Variants in HYOU1 observed in about 807,000 individuals in gnomAD.
HYOU1 encodes hypoxia up-regulated 1, also known as hypoxia up-regulated protein 1.
In HYOU1, 40 loss-of-function variants were observed where a neutral mutation model predicts 120.5. That is an observed-to-expected ratio of 0.33 (90% CI 0.26 to 0.43). The LOEUF is 0.43. Among genes scored for constraint, HYOU1 ranks in the 20% least tolerant of loss-of-function variants. The pLI, the probability that HYOU1 is intolerant of heterozygous loss-of-function variation, is 1.00. For synonymous variants in HYOU1, 501 were observed against 479.4 expected (o/e 1.05, Z -0.59); for missense variants, 1,085 against 1,278.3 (o/e 0.85, Z 2.31).
At chr11:119,049,976 G>C (rs1944326455) in intron 14 of HYOU1, 139 bp from the exon 15 acceptor site, 1 of 770,824 alleles carries the variant, frequency 1.3e-6, no homozygotes. Flanking sequence ...CTAAGGACTT[G>C]GAGGTGGCTG....
intron 22 of HYOU1, 81 bp from the exon 23 acceptor site, chr11:119,046,883 A>G: frequency 6.5e-7 from 1 of 1,527,336 alleles, no homozygotes; most frequent in African/African-American, 1.4e-5. Flanking sequence ...CACACCCCCA[A>G]CCAGCCTCTT....
intron 8 of HYOU1, 104 bp downstream of exon 8, chr11:119,054,017 A>G: frequency 2.9e-6 from 2 of 690,432 alleles, no homozygotes; most frequent in South Asian, 3.6e-5. Flanking sequence ...TCAGGAGACC[A>G]TTCCTGCAGC....
chr11:119,054,826 A>T (rs1245910636), intron 6 of HYOU1, 151 bp from the exon 7 acceptor site: 3 of 1,068,250 alleles, frequency 2.8e-6, no homozygotes, highest in African/African-American at 1.6e-5. Flanking sequence ...CCCGGCCTCT[A>T]CCCACTAGAT....
Position 119,051,470 on chromosome 11 carries a change from G to A in HYOU1, c.1494C>T (p.Gly498=), listed in dbSNP as rs2133585191. 13 of 1,614,080 alleles carry A rather than the reference G, an allele frequency of 8.1e-6. No individual in the cohort carries two copies. The Middle Eastern group carries it at 1.3e-3, about 164-fold the overall frequency. ...SHDFNFHINY[G]DLGFLGPEDL... is the part of the protein sequence containing the mutation. ...CTTCAGGCCCCAGGAAGCCCAGGTC[G>A]CCGTAGTTGATGTGGAAGTTGAAAT... is the stretch of plus-strand genomic sequence containing the variant. Residue 498 remains glycine, a synonymous_variant, in exon 13 of 26, where the codon GGC becomes GGT. Transcript: ENST00000617285. The surrounding 1 kb of genome is among the most constrained non-coding windows in gnomAD (Gnocchi z 4.2).
In HYOU1 at chr11:119,049,172, T is replaced by G; in HGVS notation, c.1838A>C (p.Lys613Thr). The change falls in exon 17 of 26, where the codon AAG (lysine) becomes ACG (threonine). Residue 613 changes from lysine to threonine, a missense_variant. Lys to Thr is a moderately conservative substitution (Grantham distance 78, BLOSUM62 -1). This residue lies in a region of HYOU1 where 516 missense variants were observed against 517.1 expected (regional missense o/e 1.00). Transcript: ENST00000617285. ...CTCCACCTGCTCCCCAGGCTCGTCC[T>G]TGCTCCCCTCTGCAGGGCTCTCCTC... The part of the protein sequence containing the change: ...EEEESPAEGS[K>T]DEPGEQVELK... 1 of 1,609,476 alleles carries G rather than the reference T, an allele frequency of 6.2e-7. No homozygotes were observed. Among genetic ancestry groups the G allele is most frequent in the East Asian group, 2.2e-5 (1 of 44,866 alleles).
In HYOU1 at chr11:119,052,581, G is replaced by T; in HGVS notation, c.987+56C>A. ...ACGAGCAGCCCAGTTCAGTGGCAGG[G>T]TCCCCCACCCTCTACGTGGGACAAA... On this transcript the variant is annotated intron_variant, in intron 9 of 25. Coordinates refer to ENST00000617285, the MANE Select transcript of HYOU1 (RefSeq NM_006389.5). The surrounding 1 kb of genome is among the most constrained non-coding windows in gnomAD (Gnocchi z 5.0). 1 of 1,575,050 alleles carries T rather than the reference G, an allele frequency of 6.3e-7. No individual in the cohort carries two copies.
Position 119,046,638 on chromosome 11 carries a change from G to T in HYOU1, c.2760C>A (p.Asp920Glu). ...GTGGCTCTGCCCGGGTCCCATTCTT[G>T]TCCTTAGGCCGGGGCCGGGGCTTGG... ...KFTKPRPRPK[D>E]KNGTRAEPPL... Residue 920 changes from aspartate to glutamate, a missense_variant, in exon 23 of 26, where the codon GAC becomes GAA. Physicochemically the swap from Asp to Glu is conservative, Grantham distance 45. Around this residue, in one of 4 missense-constraint regions of HYOU1, gnomAD observed 516 missense variants for 517.1 expected, o/e 1.00. Coordinates refer to ENST00000617285, the MANE Select transcript of HYOU1 (RefSeq NM_006389.5). The T allele has an allele frequency of 6.2e-7, 1 of 1,614,200 alleles. No individual in the cohort carries two copies. The highest frequency in any genetic ancestry group is 8.5e-7 in the Non-Finnish European group (1 of 1,180,034).
chr11:119,052,428 A>G lies in HYOU1; in HGVS notation c.989T>C (p.Ile330Thr). 1 of 1,614,162 alleles carries G rather than the reference A, an allele frequency of 6.2e-7. No homozygotes were observed. The highest frequency in any genetic ancestry group is 8.5e-7 in the Non-Finnish European group (1 of 1,180,036). ...GTCCACATCATCCATCAGGCCTTCAATCTGGGAGAGGATGGGGACTGTCAG... is the reference window on the plus strand; with the variant it reads ...GTCCACATCATCCATCAGGCCTTCAGTCTGGGAGAGGATGGGGACTGTCAG... ...LSANADHMAQ[I>T]EGLMDDVDFK... Residue 330 changes from isoleucine to threonine, a missense_variant and splice_region_variant, in exon 10 of 26, where the codon ATT becomes ACT. Physicochemically the swap from Ile to Thr is moderately conservative, Grantham distance 89 (BLOSUM62 -1). Transcript: ENST00000617285. The surrounding 1 kb of genome is among the most constrained non-coding windows in gnomAD (Gnocchi z 5.0).
At chr11:119,056,275 T>C (rs1479921299) in intron 1 of HYOU1, 108 bp from the exon 2 acceptor site, 1 of 806,686 alleles carries the variant, frequency 1.2e-6, no homozygotes, top group African/African-American at 1.7e-5. Context: ...TACTTCATTC[T>C]TACCCAGGGC....
chr11:119,055,321 C>A lies in HYOU1; in HGVS notation c.283G>T (p.Ala95Ser), dbSNP rs1424659501. Residue 95 changes from alanine to serine, a missense_variant, in exon 5 of 26, where the codon GCT becomes TCT. Physicochemically the swap from Ala to Ser is moderately conservative, Grantham distance 99. Coordinates refer to ENST00000617285, the MANE Select transcript of HYOU1 (RefSeq NM_006389.5). This position sits in a 1 kb window ranked among gnomAD's most constrained non-coding sequence, Gnocchi z 4.0. ...AASMAIKNPK[A>S]TLRYFQHLLG... Reference sequence around the variant, plus strand: ...AGGTGCTGGAAGTAACGTAGCGTAGCCTTTGGATTCTTAATCGCCTGAGGG... The same window carrying A: ...AGGTGCTGGAAGTAACGTAGCGTAGACTTTGGATTCTTAATCGCCTGAGGG... 6.2e-7 allele frequency: 1 copy of A among 1,613,462 alleles called. No individual in the cohort carries two copies. The highest frequency in any genetic ancestry group is 1.7e-5 in the Admixed American group (1 of 59,958).
rs2133556059 is a variant in HYOU1 at position 119,047,304 on chromosome 11, CCTT to C, written c.2595+427_2595+429del. 593 of 208,758 alleles carry C rather than the reference CCTT, an allele frequency of 2.8e-3. 7 individuals carry two copies. The highest frequency in any genetic ancestry group is 0.013 in the African/African-American group (551 of 42,530). The allele number at this position is 208,758 out of a possible 1,614,324, so 12.9% of individuals were successfully genotyped here. ...CCTGGTGATTCGCCCACCTCAGCCT[CCTT>C]AAGTGCTGGGATTACAGGCGTGAGC... On this transcript the variant is annotated intron_variant, in intron 22 of 25. Transcript: ENST00000617285.
chr11:119,051,557 G>A lies in HYOU1; in HGVS notation c.1407C>T (p.Leu469=). The change falls in exon 13 of 26, where the codon CTC becomes CTT. Residue 469 remains leucine (L), a synonymous_variant. Coordinates refer to ENST00000617285, the MANE Select transcript of HYOU1 (RefSeq NM_006389.5). This position sits in a 1 kb window ranked among gnomAD's most constrained non-coding sequence, Gnocchi z 4.2. ...IHSLKHNKRV[L]FSRMGPYPQR... ...GAGGGTAGGGCCCCATCCGAGAGAAGAGTACCCGTTTATTGTGCTTCAGGC... is the reference window on the plus strand; with the variant it reads ...GAGGGTAGGGCCCCATCCGAGAGAAAAGTACCCGTTTATTGTGCTTCAGGC... The A allele has an allele frequency of 6.2e-7, 1 of 1,614,080 alleles. No individual in the cohort carries two copies. Among genetic ancestry groups the A allele is most frequent in the Non-Finnish European group, 8.5e-7 (1 of 1,180,016 alleles).
Position 119,051,052 on chromosome 11 carries a change from C to A in HYOU1, c.1648G>T (p.Val550Leu). 6.2e-7 allele frequency: 1 copy of A among 1,614,216 alleles called. No individual in the cohort carries two copies. Among genetic ancestry groups the A allele is most frequent in the Non-Finnish European group, 8.5e-7 (1 of 1,180,038 alleles). ...KAHFNLDESG[V>L]LSLDRVESVF... ...GCTCTCACCCTGTCTAGACTGAGCA[C>A]GCCACTCTCATCCAGGTTGAAGTGA... The change falls in exon 14 of 26, where the codon GTG becomes TTG. Residue 550 changes from valine to leucine, a missense_variant. This residue lies in a region of HYOU1 where 515 missense variants were observed against 677.8 expected (regional missense o/e 0.76). Transcript: ENST00000617285. The surrounding 1 kb of genome is among the most constrained non-coding windows in gnomAD (Gnocchi z 4.2).
chr11:119,051,796 C>G lies in HYOU1; in HGVS notation c.1338+23G>C. On this transcript the variant is annotated intron_variant, in intron 12 of 25. Transcript: ENST00000617285. This position sits in a 1 kb window ranked among gnomAD's most constrained non-coding sequence, Gnocchi z 4.2. ...TGGGAGAGGTAAAGGGAGCTTGTCA[C>G]CTGCTCAGTCAGGCTCACTCACCAG... 6.2e-7 allele frequency: 1 copy of G among 1,613,506 alleles called. No homozygotes were observed.
intron 6 of HYOU1, 120 bp from the exon 7 acceptor site, chr11:119,054,795 T>G: frequency 8.7e-7 from 1 of 1,152,244 alleles, no homozygotes; most frequent in Non-Finnish European, 1.2e-6. Context: ...TCCTGTGCAC[T>G]GTAGGATGTT....
intron 14 of HYOU1, among the ~76,000 whole-genome samples, chr11:119,050,531 C>CA (rs1565713115): frequency 6.6e-6 from 1 of 150,762 alleles, no homozygotes; most frequent in African/African-American, 2.4e-5. Context: ...AGTCTGGCAA[C>CA]ATAGTGAGAC....
chr11:119,046,695 C>G lies in HYOU1; in HGVS notation c.2703G>C (p.Glu901Asp). 1 of 1,613,790 alleles carries G rather than the reference C, an allele frequency of 6.2e-7. No individual in the cohort carries two copies. The highest frequency in any genetic ancestry group is 8.5e-7 in the Non-Finnish European group (1 of 1,180,044). Residue 901 changes from glutamate to aspartate, a missense_variant, in exon 23 of 26, where the codon GAG (glutamate) becomes GAC (aspartate). Physicochemically the swap from Glu to Asp is conservative, Grantham distance 45. Transcript: ENST00000617285. ...TGGCCTTATTGAGCAGATACTGCAC[C>G]TCTCGGTCCAGGGCCATCATCTTAG... ...IEAKMMALDR[E>D]VQYLLNKAKF... is the part of the protein sequence containing the mutation.
rs2133607820 is a variant in HYOU1, at chr11:119,054,726, G to A, written c.497-51C>T. On this transcript the variant is annotated intron_variant, in intron 6 of 25. Transcript: ENST00000617285. ...CCGCCGGCTCCATACCTTAGATGAG[G>A]GCTTCTAATCTGGTCACTAATGACA... The A allele has an allele frequency of 2.4e-5, 38 of 1,554,464 alleles. No individual in the cohort carries two copies. The African/African-American group carries it at 3.8e-4, about 15-fold the overall frequency.
chr11:119,050,883 G>T, intron 14 of HYOU1, 152 bp downstream of exon 14: 1 of 788,968 alleles, frequency 1.3e-6, no homozygotes, highest in Non-Finnish European at 2.0e-6. Flanking sequence ...GTCTGCACCA[G>T]ATCATCAGTT....
Sources: allele counts gnomAD v4.1 joint callset (sites outside exome capture counted in the v4.1 genomes callset), GRCh38; gene constraint gnomAD v4.1.1; regional missense constraint gnomAD v4.1.1; non-coding constraint Gnocchi (gnomAD v3.1); transcripts MANE v1.5; gene names NCBI Gene and HGNC (gene_info 2026-07-23, HGNC 2026-07-21).